Variants in RSPO2 observed in about 807,000 individuals in gnomAD.
RSPO2 encodes the protein R-spondin 2.
A neutral mutation model predicts 30.9 loss-of-function variants in RSPO2; 14 were observed. The ratio of observed to expected loss-of-function variants is 0.45; its 90% confidence interval spans 0.30 to 0.71. The LOEUF (loss-of-function observed/expected upper bound fraction) is 0.71, where lower values mean the gene tolerates loss of function less well. Among genes scored for constraint, RSPO2 ranks in the 30% least tolerant of loss-of-function variants. RSPO2 has a pLI of 0.08. For missense variants in RSPO2, 264 were observed against 301.9 expected (o/e 0.87, Z 0.93); for synonymous variants, 107 against 96.4 (o/e 1.11, Z -0.64).
chr8:107,992,604 CTGAT>C (rs1375909444), intron 2 of RSPO2, among the ~76,000 whole-genome samples: 1 of 152,026 alleles, frequency 6.6e-6, no homozygotes, highest in Non-Finnish European at 1.5e-5. Flanking sequence ...GAGATAATGG[CTGAT>C]TAATTTCCAG....
intron 3 of RSPO2, among the ~76,000 whole-genome samples, chr8:107,977,582 A>G (rs1005868652): frequency 6.6e-6 from 1 of 152,194 alleles, no homozygotes; most frequent in East Asian, 1.9e-4. Flanking sequence ...AATAAAAAAC[A>G]TAGCTAAAGT....
rs112700997 is a variant in RSPO2, at chr8:108,021,222, C to A, written c.95-31978G>T. On this transcript the variant is annotated intron_variant, in intron 2 of 5. Transcript: ENST00000276659. ...TTATATAAATCATTGACTTGAAAGG[C>A]AAATCAATTGTACTTCTCTGCCAAA... 1.7e-3 allele frequency among the ~76,000 whole-genome samples: 252 copies of A among 152,250 alleles called. 1 individual carries two copies. Among genetic ancestry groups the A allele is most frequent in the African/African-American group, 5.7e-3 (235 of 41,558 alleles).
chr8:108,036,518 G>A (rs1268353422), intron 2 of RSPO2, among the ~76,000 whole-genome samples: 2 of 152,208 alleles, frequency 1.3e-5, no homozygotes, highest in African/African-American at 4.8e-5. Context: ...CCTGTGTGAT[G>A]CCTGTGGCCA....
intron 2 of RSPO2, among the ~76,000 whole-genome samples, chr8:108,079,438 C>T (rs114186420): frequency 2.1e-4 from 32 of 152,100 alleles, no homozygotes; most frequent in Admixed American, 1.5e-3. Context: ...AAAGTAGAGA[C>T]GGTCAAAATA....
At chr8:108,079,300 A>G (rs538132768) in intron 2 of RSPO2, among the ~76,000 whole-genome samples, 2 of 152,284 alleles carry the variant, frequency 1.3e-5, no homozygotes, top group South Asian at 4.1e-4. Flanking sequence ...TTTTAAAATT[A>G]TTGCAACCAG....
At chr8:107,948,710 A>T (rs541882392) in intron 5 of RSPO2, among the ~76,000 whole-genome samples, 4 of 152,112 alleles carry the variant, frequency 2.6e-5, no homozygotes, top group African/African-American at 9.6e-5. Flanking sequence ...ATACAAAAAA[A>T]TTAGCTGGGC....
intron 2 of RSPO2, among the ~76,000 whole-genome samples, chr8:108,006,905 T>C (rs1399758679): frequency 6.6e-6 from 1 of 152,198 alleles, no homozygotes; most frequent in East Asian, 1.9e-4. Flanking sequence ...CATAATTGTT[T>C]TGGTGAACTG....
At chr8:107,973,676 C>G (rs1814099607) in intron 3 of RSPO2, among the ~76,000 whole-genome samples, 1 of 152,148 alleles carries the variant, frequency 6.6e-6, no homozygotes, top group African/African-American at 2.4e-5. Flanking sequence ...GAAACAAATG[C>G]ATACTTGACT....
chr8:107,955,812 C>T (rs559561684), intron 5 of RSPO2, among the ~76,000 whole-genome samples: 1 of 152,206 alleles, frequency 6.6e-6, no homozygotes, highest in Admixed American at 6.5e-5. Flanking sequence ...CTTAAGGCTG[C>T]GTTTGTGTGC....
At position 108,036,176 on chromosome 8, in the gene RSPO2, A is replaced by C. The variant is rs186817532; in HGVS notation, c.94+46369T>G. 3.9e-5 allele frequency among the ~76,000 whole-genome samples: 6 copies of C among 152,294 alleles called. 1 individual carries two copies. The East Asian group carries it at 1.2e-3, about 29-fold the overall frequency. ...GCAAATAAAACCCAAAACCTAAAAA[A>C]CACCCCACTTCAGGCTGACCCTCAT... On this transcript the variant is annotated intron_variant, in intron 2 of 5. Coordinates refer to ENST00000276659, the MANE Select transcript of RSPO2 (RefSeq NM_178565.5).
intron 3 of RSPO2, among the ~76,000 whole-genome samples, chr8:107,972,781 T>C (rs1024223230): frequency 6.6e-6 from 1 of 152,144 alleles, no homozygotes; most frequent in South Asian, 2.1e-4. Flanking sequence ...AGGATGCTAT[T>C]ATTCCAGAGT....
chr8:107,932,207 G>A (rs184255167), intron 5 of RSPO2, among the ~76,000 whole-genome samples: 101 of 152,282 alleles, frequency 6.6e-4, no homozygotes, highest in African/African-American at 2.4e-3. Flanking sequence ...GGTAGGCAAA[G>A]AGAGGAAAGA....
intron 5 of RSPO2, among the ~76,000 whole-genome samples, chr8:107,924,754 C>A (rs982491749): frequency 5.3e-5 from 8 of 151,824 alleles, no homozygotes; most frequent in South Asian, 2.1e-4. Flanking sequence ...TTAAATCAGT[C>A]ATGCTAGGAT....
At chr8:108,003,303 ATATATATATTTT>A (rs1815331992) in intron 2 of RSPO2, among the ~76,000 whole-genome samples, 3 of 27,216 alleles carry the variant, frequency 1.1e-4, no homozygotes, top group African/African-American at 2.3e-4. Context: ...ATATATATAT[ATATATATATTTT>A]TTTTTTTTTT....
chr8:108,083,406 C>G lies in RSPO2; in HGVS notation c.-379G>C, dbSNP rs1336724057. On this transcript the variant is annotated 5_prime_UTR_variant, in exon 1 of 6. Transcript: ENST00000276659. ...CGGCGGGTGCAGCCACTGGGATGCT[C>G]CGTCCCCGCCCGCGAGCGCGGTCCC... The G allele has an allele frequency of 2.6e-5, 4 of 152,240 alleles. No homozygotes were observed. The highest frequency in any genetic ancestry group is 5.9e-5 in the Non-Finnish European group (4 of 68,064). The allele number at this position is 152,240 out of a possible 1,614,324, so 9.4% of individuals were successfully genotyped here.
intron 5 of RSPO2, among the ~76,000 whole-genome samples, chr8:107,939,137 CT>C (rs1363896164): frequency 4.6e-5 from 7 of 152,192 alleles, no homozygotes; most frequent in Admixed American, 4.6e-4. Context: ...TTGTTATTAA[CT>C]CCGGCCAAGT....
chr8:108,045,801 G>A (rs1282103839), intron 2 of RSPO2, among the ~76,000 whole-genome samples: 2 of 152,120 alleles, frequency 1.3e-5, no homozygotes, highest in Admixed American at 1.3e-4. Flanking sequence ...GGGAAAACAT[G>A]TGAACAATTT....
chr8:108,060,625 G>A (rs1812424034), intron 2 of RSPO2, among the ~76,000 whole-genome samples: 1 of 151,806 alleles, frequency 6.6e-6, no homozygotes, highest in Admixed American at 6.6e-5. Flanking sequence ...ATATTATCCA[G>A]GAGAACTTCC....
At chr8:108,044,723 G>C (rs906234615) in intron 2 of RSPO2, among the ~76,000 whole-genome samples, 1 of 152,044 alleles carries the variant, frequency 6.6e-6, no homozygotes, top group East Asian at 1.9e-4. Flanking sequence ...TATATACGTG[G>C]TAATGATATT....
Sources: gnomAD v4.1 joint callset for allele counts (sites outside exome capture counted in the v4.1 genomes callset) on GRCh38, gnomAD v4.1.1 for gene constraint, MANE v1.5 for transcripts, NCBI Gene and HGNC (gene_info 2026-07-23, HGNC 2026-07-21) for gene names.